Variants in TBC1D12 observed in about 807,000 individuals in gnomAD.
The protein encoded by TBC1D12 is TBC1 domain family member 12.
TBC1D12 carries 56 observed loss-of-function variants against 86.7 expected under a neutral mutation model. The observed-to-expected ratio is 0.65, with a 90% CI of 0.52 to 0.81. The LOEUF (loss-of-function observed/expected upper bound fraction) is 0.81. Among genes scored for constraint, TBC1D12 ranks in the 30% least tolerant of loss-of-function variants. The pLI is 0.00. For synonymous variants in TBC1D12, 421 were observed against 411.7 expected (o/e 1.02, Z -0.27); for missense variants, 1,023 against 1,038.8 (o/e 0.98, Z 0.21).
chr10:94,414,470 A>G (rs961944044), intron 1 of TBC1D12, among the ~76,000 whole-genome samples: 1 of 152,168 alleles, frequency 6.6e-6, no homozygotes, highest in African/African-American at 2.4e-5. Context: ...TAATTTTTCT[A>G]CTTGGCATAC....
intron 2 of TBC1D12, among the ~76,000 whole-genome samples, chr10:94,446,519 CAGAA>C (rs1031329695): frequency 1.3e-5 from 2 of 152,088 alleles, no homozygotes; most frequent in Non-Finnish European, 1.5e-5. Flanking sequence ...AGCAGGTCTT[CAGAA>C]AGAAGTTGTT....
intron 1 of TBC1D12, among the ~76,000 whole-genome samples, chr10:94,426,874 C>T (rs1420186348): frequency 6.6e-6 from 1 of 152,118 alleles, no homozygotes; most frequent in Non-Finnish European, 1.5e-5. Context: ...CCACAGGTGG[C>T]CTGATTTTTT....
intron 9 of TBC1D12, among the ~76,000 whole-genome samples, chr10:94,512,125 C>A (rs149367145): frequency 6.6e-6 from 1 of 152,154 alleles, no homozygotes; most frequent in Non-Finnish European, 1.5e-5. Flanking sequence ...AGCTTCTGAG[C>A]CTTCAGGGTT....
chr10:94,491,728 A>G (rs1010876064), intron 3 of TBC1D12, among the ~76,000 whole-genome samples: 7 of 152,188 alleles, frequency 4.6e-5, no homozygotes, highest in Admixed American at 1.3e-4. Context: ...CTGGTAGTTC[A>G]GTTAGTAACC....
rs369180542 is a variant in TBC1D12 at position 94,480,329 on chromosome 10, TG to T, written c.1211+5550del. 1.5e-3 allele frequency among the ~76,000 whole-genome samples: 235 copies of T among 152,290 alleles called. 1 individual carries two copies. The highest frequency in any genetic ancestry group is 2.7e-3 in the Non-Finnish European group (186 of 68,012). On this transcript the variant is annotated intron_variant, in intron 3 of 12. Coordinates refer to ENST00000225235, the MANE Select transcript of TBC1D12 (RefSeq NM_015188.2). ...CTGGGTCTGTAAACTGGCTCAAGTC[TG>T]GGGAGTGATTGAGGGGCCATTAGTC...
chr10:94,470,774 A>G (rs897373196), intron 2 of TBC1D12, among the ~76,000 whole-genome samples: 1 of 141,616 alleles, frequency 7.1e-6, no homozygotes, highest in African/African-American at 2.7e-5. Context: ...TTAGGATGGC[A>G]TGTTTAATTT....
At chr10:94,483,630 A>T (rs2056112071) in intron 3 of TBC1D12, among the ~76,000 whole-genome samples, 1 of 152,214 alleles carries the variant, frequency 6.6e-6, no homozygotes. Context: ...CTGTGGATAT[A>T]TAAGCTTGAG....
chr10:94,497,270 G>A (rs2056333221), intron 5 of TBC1D12, 98 bp downstream of exon 5: 2 of 603,582 alleles, frequency 3.3e-6, no homozygotes, highest in Admixed American at 3.7e-5. Context: ...TTAAGTTTTA[G>A]GGTACATGTG....
intron 2 of TBC1D12, among the ~76,000 whole-genome samples, chr10:94,455,379 GTA>G (rs904935443): frequency 6.6e-6 from 1 of 152,042 alleles, no homozygotes; most frequent in African/African-American, 2.4e-5. Flanking sequence ...TCTAGTTTTG[GTA>G]TTAGAGTAAT....
chr10:94,491,173 C>G (rs910345548), intron 3 of TBC1D12, among the ~76,000 whole-genome samples: 2 of 152,074 alleles, frequency 1.3e-5, no homozygotes, highest in African/African-American at 4.8e-5. Context: ...ATATTTTGTC[C>G]ATTTTCTAAT....
At chr10:94,432,781 G>GTTT (rs57041867) in intron 1 of TBC1D12, among the ~76,000 whole-genome samples, 23 of 146,598 alleles carry the variant, frequency 1.6e-4, no homozygotes, top group Non-Finnish European at 3.3e-4. Flanking sequence ...TATTTTGGAG[G>GTTT]TTTTTTTTTT....
intron 11 of TBC1D12, among the ~76,000 whole-genome samples, chr10:94,528,916 G>A (rs1210961245): frequency 1.3e-5 from 2 of 151,722 alleles, no homozygotes; most frequent in Non-Finnish European, 2.9e-5. Context: ...TTCACAACCA[G>A]TGGGTTTCAC....
chr10:94,488,833 C>T (rs1202206508), intron 3 of TBC1D12, among the ~76,000 whole-genome samples: 1 of 152,046 alleles, frequency 6.6e-6, no homozygotes. Context: ...CTCACCACTG[C>T]CTGGTGCCCT....
chr10:94,515,867 C>G (rs2056585493), intron 9 of TBC1D12, among the ~76,000 whole-genome samples: 1 of 152,118 alleles, frequency 6.6e-6, no homozygotes, highest in Admixed American at 6.5e-5. Flanking sequence ...AATACCACAA[C>G]AGTTGATCTT....
chr10:94,435,743 T>C (rs1259845837), intron 1 of TBC1D12, among the ~76,000 whole-genome samples: 4 of 152,242 alleles, frequency 2.6e-5, no homozygotes, highest in Non-Finnish European at 5.9e-5. Flanking sequence ...GACTGATTTT[T>C]AGATTTTTCC....
intron 1 of TBC1D12, among the ~76,000 whole-genome samples, chr10:94,438,981 T>G (rs2055342830): frequency 6.6e-6 from 1 of 152,006 alleles, no homozygotes; most frequent in Non-Finnish European, 1.5e-5. Flanking sequence ...TTTTTGTATT[T>G]TTAGTGGAGA....
intron 2 of TBC1D12, among the ~76,000 whole-genome samples, chr10:94,460,290 A>AT (rs1454988447): frequency 6.6e-6 from 1 of 152,156 alleles, no homozygotes; most frequent in African/African-American, 2.4e-5. Context: ...TTCTTTTAAC[A>AT]TTTTTTGCAA....
intron 2 of TBC1D12, among the ~76,000 whole-genome samples, chr10:94,465,593 C>T (rs1459262467): frequency 6.7e-6 from 1 of 150,370 alleles, no homozygotes; most frequent in African/African-American, 2.5e-5. Flanking sequence ...TTACAGTGAG[C>T]CAAGATCATG....
At chr10:94,476,470 G>T in intron 3 of TBC1D12, among the ~76,000 whole-genome samples, 1 of 152,016 alleles carries the variant, frequency 6.6e-6, no homozygotes, top group Non-Finnish European at 1.5e-5. Context: ...TGCTGCCAGG[G>T]ATGAAAATGA....
Sources: gnomAD v4.1 joint callset for allele counts (sites outside exome capture counted in the v4.1 genomes callset) on GRCh38, gnomAD v4.1.1 for gene constraint, MANE v1.5 for transcripts, NCBI Gene and HGNC (gene_info 2026-07-23, HGNC 2026-07-21) for gene names.